Variants in SIN3A observed in about 807,000 individuals in gnomAD.
The protein encoded by SIN3A is paired amphipathic helix protein Sin3a.
SIN3A carries 14 observed loss-of-function variants against 146.1 expected under a neutral mutation model. The ratio of observed to expected loss-of-function variants is 0.10; its 90% CI spans 0.06 to 0.15. The LOEUF is 0.15. Ranked by LOEUF, SIN3A falls within the 10% of genes least tolerant of loss-of-function variation. The pLI is 1.00. For synonymous variants in SIN3A, 572 were observed against 572.0 expected, an observed-to-expected ratio of 1.00 and a Z score of 0.00; for missense variants, 1,028 against 1,576.0, an observed-to-expected ratio of 0.65 and a Z score of 5.89.
chr15:75,415,507 T>C, intron 3 of SIN3A: 1 of 205,416 alleles, frequency 4.9e-6, no homozygotes, highest in Admixed American at 5.3e-5. Flanking sequence ...CCAGAGAAGA[T>C]CCGCAAGGTT....
At chr15:75,435,334 A>C (rs559367300) in intron 1 of SIN3A, among the ~76,000 whole-genome samples, 2 of 152,336 alleles carry the variant, frequency 1.3e-5, no homozygotes, top group South Asian at 4.1e-4. Context: ...ATGGAAAACT[A>C]TGTAGGAATC....
At chr15:75,444,127 T>C (rs761596163) in intron 1 of SIN3A, among the ~76,000 whole-genome samples, 18 of 152,212 alleles carry the variant, frequency 1.2e-4, no homozygotes, top group Non-Finnish European at 2.4e-4. Context: ...TGTTTCGATG[T>C]ACAAGTGGTA....
At chr15:75,393,178 G>A (rs914205829) in intron 14 of SIN3A, among the ~76,000 whole-genome samples, 16 of 152,168 alleles carry the variant, frequency 1.1e-4, no homozygotes, top group Non-Finnish European at 2.2e-4. Flanking sequence ...GCAGTGAGCC[G>A]AGATCGTACT....
chr15:75,434,457 C>T (rs1422056307), intron 1 of SIN3A, among the ~76,000 whole-genome samples: 1 of 151,930 alleles, frequency 6.6e-6, no homozygotes. Flanking sequence ...CAAGACCAGA[C>T]CGGCCAACAT....
intron 8 of SIN3A, among the ~76,000 whole-genome samples, chr15:75,407,825 G>A (rs1305512295): frequency 2.0e-5 from 3 of 146,958 alleles, no homozygotes; most frequent in African/African-American, 7.6e-5. Flanking sequence ...CCCAGGAGGT[G>A]GAGGCTGCAG....
intron 12 of SIN3A, among the ~76,000 whole-genome samples, chr15:75,399,051 A>AT: frequency 6.6e-6 from 1 of 150,980 alleles, no homozygotes; most frequent in South Asian, 2.1e-4. Context: ...AAAAAAAAAA[A>AT]TTTACCCAGG....
chr15:75,430,889 C>T (rs1156596970), intron 1 of SIN3A, among the ~76,000 whole-genome samples: 1 of 152,090 alleles, frequency 6.6e-6, no homozygotes, highest in African/African-American at 2.4e-5. Context: ...CATTCTCCTG[C>T]CTCAGCCTCC....
chr15:75,412,610 T>G (rs2073661303), intron 5 of SIN3A, among the ~76,000 whole-genome samples, 153 bp downstream of exon 5: 1 of 152,258 alleles, frequency 6.6e-6, no homozygotes, highest in Non-Finnish European at 1.5e-5. Flanking sequence ...ATGTGAACCA[T>G]GTCATAGTGA....
intron 17 of SIN3A, among the ~76,000 whole-genome samples, chr15:75,383,019 G>A (rs540303251): frequency 5.3e-5 from 8 of 152,048 alleles, no homozygotes; most frequent in South Asian, 4.2e-4. Context: ...CCCAGGAGGC[G>A]GAGGTTGCAG....
Position 75,377,624 on chromosome 15 carries a change from CAAAAAAA to C in SIN3A, c.3384-1759_3384-1753del, listed in dbSNP as rs531657362. Among the ~76,000 whole-genome samples the C allele has an allele frequency of 6.3e-3, 693 of 109,468 alleles. 7 individuals carry two copies. Among genetic ancestry groups the C allele is most frequent in the African/African-American group, 0.022 (657 of 29,414 alleles). The allele number at this position is 109,468 out of a possible 152,430, so 71.8% of individuals were successfully genotyped here. ...TGGGCAACAGAGTGAGACTCTGCCT[CAAAAAAA>C]AAAAAAGAAAAAAAAAGTTTCTGAT... is the stretch of plus-strand genomic sequence containing the variant. On this transcript the variant is annotated intron_variant, in intron 19 of 20. Coordinates refer to ENST00000394947, the MANE Select transcript of SIN3A (RefSeq NM_001145358.2).
chr15:75,400,361 A>T (rs1238488076), intron 11 of SIN3A, among the ~76,000 whole-genome samples: 1 of 152,248 alleles, frequency 6.6e-6, no homozygotes, highest in African/African-American at 2.4e-5. Context: ...GTGCTTTGGG[A>T]GGACGAAGCA....
intron 19 of SIN3A, among the ~76,000 whole-genome samples, chr15:75,377,451 C>A (rs1017953186): frequency 6.6e-6 from 1 of 151,776 alleles, no homozygotes; most frequent in Non-Finnish European, 1.5e-5. Flanking sequence ...ATGGGGAGAC[C>A]TCATCTCTAA....
At chr15:75,392,874 C>T (rs2073233729) in intron 14 of SIN3A, 59 bp from the exon 15 acceptor site, 4 of 1,240,286 alleles carry the variant, frequency 3.2e-6, no homozygotes, top group South Asian at 1.4e-5. Context: ...AACATGTCTA[C>T]AAGACCACAT....
At chr15:75,384,643 A>G (rs1053878094) in intron 16 of SIN3A, among the ~76,000 whole-genome samples, 19 of 152,322 alleles carry the variant, frequency 1.2e-4, no homozygotes, top group East Asian at 7.7e-4. Flanking sequence ...ATTTTCAACC[A>G]TATCAGTGGT....
intron 3 of SIN3A, among the ~76,000 whole-genome samples, chr15:75,419,027 G>A (rs1233374143): frequency 6.6e-6 from 1 of 152,010 alleles, no homozygotes; most frequent in Non-Finnish European, 1.5e-5. Flanking sequence ...AAAGTGCTAG[G>A]ATTACAGGCG....
intron 1 of SIN3A, among the ~76,000 whole-genome samples, chr15:75,450,960 G>T (rs796093811): frequency 6.6e-5 from 10 of 152,172 alleles, no homozygotes; most frequent in African/African-American, 2.4e-4. Flanking sequence ...GAAGGCGGAG[G>T]AACTCAGACT....
chr15:75,448,493 C>CAA (rs377718727), intron 1 of SIN3A, among the ~76,000 whole-genome samples: 18,278 of 127,288 alleles, frequency 0.14, 1,331 homozygotes, highest in Non-Finnish European at 0.19. Flanking sequence ...GACTCCATCT[C>CAA]AAAAAAAAAA....
intron 2 of SIN3A, among the ~76,000 whole-genome samples, chr15:75,426,101 A>C (rs188959418): frequency 2.2e-4 from 33 of 152,348 alleles, no homozygotes; most frequent in African/African-American, 7.9e-4. Flanking sequence ...ACTTATACAA[A>C]CACATTATAG....
At chr15:75,387,070 G>A (rs2073098207) in intron 16 of SIN3A, among the ~76,000 whole-genome samples, 1 of 152,136 alleles carries the variant, frequency 6.6e-6, no homozygotes. Flanking sequence ...GACTCCCAAA[G>A]TGCTGGTATT....
Sources: allele counts gnomAD v4.1 joint callset (sites outside exome capture counted in the v4.1 genomes callset), GRCh38; gene constraint gnomAD v4.1.1; transcripts MANE v1.5; gene names NCBI Gene and HGNC (gene_info 2026-07-23, HGNC 2026-07-21).